The following RANBP10 variants were observed in gnomAD, a reference collection of about 807,000 sequenced individuals.
RANBP10 encodes the protein ran-binding protein 10.
In RANBP10, 24 loss-of-function variants were observed where a neutral mutation model predicts 72.8. The ratio of observed to expected loss-of-function variants is 0.33; its 90% CI spans 0.24 to 0.46. RANBP10 has a LOEUF of 0.46. Among genes scored for constraint, RANBP10 ranks in the 20% least tolerant of loss-of-function variants. The pLI is 1.00. For synonymous variants in RANBP10, 310 were observed against 322.3 expected, an observed-to-expected ratio of 0.96 and a Z score of 0.41; for missense variants, 679 against 817.5, an observed-to-expected ratio of 0.83 and a Z score of 2.07.
chr16:67,749,456 C>T (rs2054152677), intron 3 of RANBP10, among the ~76,000 whole-genome samples: 1 of 152,208 alleles, frequency 6.6e-6, no homozygotes, highest in South Asian at 2.1e-4. Context: ...GTGAGAGCTG[C>T]TTGAGACTGG....
At position 67,729,735 on chromosome 16, in the gene RANBP10, G is replaced by A. The variant is rs61747630; in HGVS notation, c.1092C>T (p.Gly364=). The change falls in exon 9 of 14, where the codon GGC becomes GGT. Residue 364 remains glycine, a synonymous_variant. Transcript: ENST00000317506. The surrounding 1 kb of genome is among the most constrained non-coding windows in gnomAD (Gnocchi z 7.1). ...CATGTCGGGGACTGAGGCTGGGGGA[G>A]CCAGGGTAGCTGTCCTGGGACTTGG... ...RSPKSQDSYP[G]SPSLSPRHGP... 2.2e-3 allele frequency: 3,562 copies of A among 1,614,134 alleles called. 16 individuals carry two copies. Among genetic ancestry groups the A allele is most frequent in the South Asian group, 4.1e-3 (372 of 91,084 alleles).
At chr16:67,784,759 C>T (rs2054879289) in intron 2 of RANBP10, among the ~76,000 whole-genome samples, 3 of 150,910 alleles carry the variant, frequency 2.0e-5, no homozygotes, top group African/African-American at 7.3e-5. Flanking sequence ...GCGGAGGTTG[C>T]AGTAAGCCGA....
At chr16:67,734,690 C>A (rs919069480) in intron 6 of RANBP10, among the ~76,000 whole-genome samples, 168 bp downstream of exon 6, 2 of 151,816 alleles carry the variant, frequency 1.3e-5, no homozygotes, top group East Asian at 3.9e-4. Flanking sequence ...GCTGTCCATC[C>A]GACGACAGAG....
chr16:67,770,710 A>G (rs1247993708), intron 3 of RANBP10, among the ~76,000 whole-genome samples: 1 of 152,212 alleles, frequency 6.6e-6, no homozygotes, highest in African/African-American at 2.4e-5. Context: ...CCCCAGTTGC[A>G]GCCAGTCCAG....
Position 67,802,113 on chromosome 16 carries a change from C to G in RANBP10, c.347+3315G>C, listed in dbSNP as rs374670631. ...CTGCCTCAAAAAAAAAAAAAAAAATCTACAAAAAAAGGGAAATGAGCCAGT... is the reference window on the plus strand; with the variant it reads ...CTGCCTCAAAAAAAAAAAAAAAAATGTACAAAAAAAGGGAAATGAGCCAGT... On this transcript the variant is annotated intron_variant, in intron 2 of 13. Transcript: ENST00000317506. 6.7e-4 allele frequency among the ~76,000 whole-genome samples: 99 copies of G among 148,300 alleles called. No individual in the cohort carries two copies. The East Asian group carries it at 0.016, about 24-fold the overall frequency.
At position 67,786,519 on chromosome 16, in the gene RANBP10, A is replaced by G. The variant is rs1163396732; in HGVS notation, c.348-14433T>C. Among the ~76,000 whole-genome samples, 3 of 152,208 alleles carry G rather than the reference A, an allele frequency of 2.0e-5. No homozygotes were observed. The East Asian group carries it at 5.8e-4, about 29-fold the overall frequency. ...GAACAGACATTTCTCCAAAGAATCT[A>G]TACAGATAGCCACATACAATAAGCA... On this transcript the variant is annotated intron_variant, in intron 2 of 13. Transcript: ENST00000317506.
intron 2 of RANBP10, among the ~76,000 whole-genome samples, chr16:67,796,626 T>C (rs918428523): frequency 2.0e-5 from 3 of 152,208 alleles, no homozygotes; most frequent in Non-Finnish European, 4.4e-5. Flanking sequence ...ATGTTGGTCA[T>C]AGAAGCTGAG....
At chr16:67,752,857 AG>A (rs2054221680) in intron 3 of RANBP10, among the ~76,000 whole-genome samples, 1 of 152,290 alleles carries the variant, frequency 6.6e-6, no homozygotes, top group Admixed American at 6.5e-5. Context: ...AAGTGGGAGT[AG>A]GAAGTGTGAA....
rs1160699904 is a variant in RANBP10, at chr16:67,774,236, CAT to C, written c.348-2152_348-2151del. 3.3e-5 allele frequency among the ~76,000 whole-genome samples: 5 copies of C among 152,368 alleles called. No individual in the cohort carries two copies. In the East Asian group the frequency reaches 9.6e-4, roughly 29 times the overall value. ...GGGCCTGGGGCTATGCCCAACACCA[CAT>C]GTCATCCCATCCCCAGCACATAGGC... On this transcript the variant is annotated intron_variant, in intron 2 of 13. Transcript: ENST00000317506.
chr16:67,737,772 C>T (rs2053883316), intron 5 of RANBP10, among the ~76,000 whole-genome samples: 1 of 152,120 alleles, frequency 6.6e-6, no homozygotes, highest in Non-Finnish European at 1.5e-5. Flanking sequence ...CCACAGCTGC[C>T]TTTGGAAGTG....
At chr16:67,749,575 C>A (rs2054155085) in intron 3 of RANBP10, among the ~76,000 whole-genome samples, 1 of 152,222 alleles carries the variant, frequency 6.6e-6, no homozygotes, top group Non-Finnish European at 1.5e-5. Flanking sequence ...CTGCTCTGAG[C>A]ATCAACTCAG....
chr16:67,759,152 C>A (rs1411555683), intron 3 of RANBP10, among the ~76,000 whole-genome samples: 2 of 152,240 alleles, frequency 1.3e-5, no homozygotes, highest in Non-Finnish European at 2.9e-5. Context: ...CTGTTCTGGA[C>A]GGCCCTGGAA....
At chr16:67,767,478 A>T (rs2054525619) in intron 3 of RANBP10, among the ~76,000 whole-genome samples, 1 of 143,256 alleles carries the variant, frequency 7.0e-6, no homozygotes, top group South Asian at 2.2e-4. Flanking sequence ...AAAAAAAAAA[A>T]AAGCCAGGCA....
intron 2 of RANBP10, among the ~76,000 whole-genome samples, chr16:67,772,291 G>A (rs144060434): frequency 4.4e-4 from 67 of 152,262 alleles, no homozygotes; most frequent in African/African-American, 1.3e-3. Flanking sequence ...CCCAGCTAGA[G>A]AAAACAGAAA....
intron 2 of RANBP10, among the ~76,000 whole-genome samples, chr16:67,776,461 C>CAA (rs149876935): frequency 3.9e-3 from 149 of 37,756 alleles, no homozygotes; most frequent in Middle Eastern, 0.023. Context: ...GACTCCATCT[C>CAA]AAAAAAAAAA....
intron 10 of RANBP10, 74 bp from the exon 11 acceptor site, chr16:67,728,585 G>A (rs766296087): frequency 6.2e-7 from 1 of 1,608,872 alleles, no homozygotes; most frequent in Non-Finnish European, 8.5e-7. Flanking sequence ...CTCCTTTCAA[G>A]CTGTAGCCAT....
intron 3 of RANBP10, 68 bp from the exon 4 acceptor site, chr16:67,744,523 C>G (rs925059357): frequency 1.6e-5 from 24 of 1,479,210 alleles, no homozygotes; most frequent in Non-Finnish European, 2.1e-5. Flanking sequence ...GTCACAGAAG[C>G]CCACCCAGGT....
intron 2 of RANBP10, among the ~76,000 whole-genome samples, chr16:67,779,355 C>T (rs1875725043): frequency 6.7e-6 from 1 of 150,110 alleles, no homozygotes; most frequent in Admixed American, 6.6e-5. Context: ...CGAGATGGCA[C>T]TACTGCACTC....
At chr16:67,790,997 CAG>C (rs1452640308) in intron 2 of RANBP10, among the ~76,000 whole-genome samples, 1 of 147,650 alleles carries the variant, frequency 6.8e-6, no homozygotes, top group East Asian at 2.0e-4. Context: ...AGAGCCTGGC[CAG>C]TTTTACCAAT....
Sources: allele counts gnomAD v4.1 joint callset (sites outside exome capture counted in the v4.1 genomes callset), GRCh38; gene constraint gnomAD v4.1.1; non-coding constraint Gnocchi (gnomAD v3.1); transcripts MANE v1.5; gene names NCBI Gene and HGNC (gene_info 2026-07-23, HGNC 2026-07-21).